Variants in SLC35B3 observed in about 807,000 individuals in gnomAD.
SLC35B3 encodes adenosine 3'-phospho 5'-phosphosulfate transporter 2.
A neutral mutation model predicts 44.1 loss-of-function variants in SLC35B3; 35 were observed. That is an observed-to-expected ratio of 0.79 (90% CI 0.61 to 1.05). SLC35B3 has a LOEUF of 1.05. Ranked by LOEUF, SLC35B3 falls within the 50% of genes least tolerant of loss-of-function variation. The pLI is 0.00. For missense variants in SLC35B3, 414 were observed against 476.4 expected (o/e 0.87, Z 1.22); for synonymous variants, 146 against 167.3 (o/e 0.87, Z 0.98).
intron 9 of SLC35B3, among the ~76,000 whole-genome samples, chr6:8,416,405 C>G (rs1432004981): frequency 6.6e-6 from 1 of 152,084 alleles, no homozygotes; most frequent in African/African-American, 2.4e-5. Context: ...AAGCAAAGAC[C>G]CTGCACACAG....
chr6:8,420,089 C>T lies in SLC35B3; in HGVS notation c.683-412G>A, dbSNP rs1457265406. 6.6e-6 allele frequency among the ~76,000 whole-genome samples: 1 copy of T among 151,074 alleles called. No homozygotes were observed. The highest frequency in any genetic ancestry group is 1.5e-5 in the Non-Finnish European group (1 of 67,788). ...AGAGAAAAGTCATTTTTGAAAAACC[C>T]TATTATTACTAAAATGTTTAATTTA... On this transcript the variant is annotated intron_variant, in intron 6 of 10. Coordinates refer to ENST00000644923, the MANE Select transcript of SLC35B3 (RefSeq NM_001370476.2). The surrounding 1 kb of genome is among the most constrained non-coding windows in gnomAD (Gnocchi z 4.4).
Position 8,435,228 on chromosome 6 carries a change from CT to C in SLC35B3, c.-44+114del, listed in dbSNP as rs1378033429. ...AATCACCCGTTTCTTCCATCCCGAC[CT>C]CATCCATTCCTCGAACGCTCCTTCT... On this transcript the variant is annotated intron_variant, in intron 1 of 10. Coordinates refer to ENST00000644923, the MANE Select transcript of SLC35B3 (RefSeq NM_001370476.2). This position sits in a 1 kb window ranked among gnomAD's most constrained non-coding sequence, Gnocchi z 5.5. 7.8e-7 allele frequency: 1 copy of C among 1,289,328 alleles called. No homozygotes were observed. The highest frequency in any genetic ancestry group is 2.3e-5 in the Admixed American group (1 of 43,572). The allele number at this position is 1,289,328 out of a possible 1,614,324, so 79.9% of individuals were successfully genotyped here. A position where few individuals can be genotyped will look rare whatever the true frequency, so the allele number is the denominator to read the frequency against.
chr6:8,417,486 A>G lies in SLC35B3; in HGVS notation c.789T>C (p.Tyr263=), dbSNP rs370699598. The G allele has an allele frequency of 1.9e-6, 3 of 1,581,916 alleles. No individual in the cohort carries two copies. Among genetic ancestry groups the G allele is most frequent in the Non-Finnish European group, 2.6e-6 (3 of 1,160,014 alleles). Residue 263 remains tyrosine (Y), a synonymous_variant, in exon 8 of 11, where the codon TAT becomes TAC. Coordinates refer to ENST00000644923, the MANE Select transcript of SLC35B3 (RefSeq NM_001370476.2). ...TGTATACAAAACCAATTGAATACGA[A>G]TACAATACCTAGAGCAGATAAAAAT...
rs1222693427 is a variant in SLC35B3 at position 8,435,324 on chromosome 6, G to T, written c.-44+19C>A. 1 of 1,289,166 alleles carries T rather than the reference G, an allele frequency of 7.8e-7. No homozygotes were observed. The highest frequency in any genetic ancestry group is 1.5e-5 in the African/African-American group (1 of 65,860). The allele number at this position is 1,289,166 out of a possible 1,614,324, so 79.9% of individuals were successfully genotyped here. On this transcript the variant is annotated intron_variant, in intron 1 of 10. Coordinates refer to ENST00000644923, the MANE Select transcript of SLC35B3 (RefSeq NM_001370476.2). This position sits in a 1 kb window ranked among gnomAD's most constrained non-coding sequence, Gnocchi z 5.5. ...GATCTGGGTCCCAAACACAGGAAAG[G>T]CCCCGAAGGCACGCGTACCCCAAGG...
intron 4 of SLC35B3, among the ~76,000 whole-genome samples, chr6:8,426,346 G>C (rs1221796137): frequency 1.3e-5 from 2 of 152,014 alleles, no homozygotes; most frequent in Non-Finnish European, 2.9e-5. Flanking sequence ...TTTTTGATAT[G>C]GTTTGGCGCT....
In SLC35B3 at chr6:8,422,436, T is replaced by C. The variant is rs199981680; in HGVS notation, c.574+34A>G. The C allele has an allele frequency of 4.6e-6, 7 of 1,523,912 alleles. No individual in the cohort carries two copies. In the Admixed American group the frequency reaches 1.1e-4, roughly 23 times the overall value. The allele number at this position is 1,523,912 out of a possible 1,614,324, so 94.4% of individuals were successfully genotyped here. ...TAGATGCCATAACATAGCCTATTAGTTTTAAATAGTATAAAAACATATCAT... is the reference window on the plus strand; with the variant it reads ...TAGATGCCATAACATAGCCTATTAGCTTTAAATAGTATAAAAACATATCAT... On this transcript the variant is annotated intron_variant, in intron 5 of 10. Transcript: ENST00000644923.
At chr6:8,430,731 T>C (rs1561765161) in intron 2 of SLC35B3, among the ~76,000 whole-genome samples, 1 of 151,230 alleles carries the variant, frequency 6.6e-6, no homozygotes, top group Non-Finnish European at 1.5e-5. Context: ...TAAAATAAAA[T>C]AAAATAAAAT....
At chr6:8,422,669 A>C (rs2113388998) in intron 4 of SLC35B3, 45 bp from the exon 4 acceptor site, 1 of 1,459,348 alleles carries the variant, frequency 6.9e-7, no homozygotes, top group Non-Finnish European at 9.5e-7. Context: ...GACCCAATTC[A>C]TACTACTAAA....
rs1764267839 is a variant in SLC35B3, at chr6:8,434,266, G to A, written c.3+119C>T. ...GAGTTTTCCGACCTGAAGGACAAAA[G>A]TCCCACACCAAAAAAAGGTAGAATA... On this transcript the variant is annotated intron_variant, in intron 2 of 10. Coordinates refer to ENST00000644923, the MANE Select transcript of SLC35B3 (RefSeq NM_001370476.2). The surrounding 1 kb of genome is among the most constrained non-coding windows in gnomAD (Gnocchi z 6.3). 1.1e-6 allele frequency: 1 copy of A among 916,646 alleles called. No individual in the cohort carries two copies. Among genetic ancestry groups the A allele is most frequent in the East Asian group, 2.5e-5 (1 of 40,332 alleles). 56.8% of individuals were successfully genotyped at this position (916,646 alleles called of 1,614,324 possible). A position where few individuals can be genotyped will look rare whatever the true frequency, so the allele number is the denominator to read the frequency against.
At chr6:8,421,938 A>C (rs1286588856) in intron 5 of SLC35B3, among the ~76,000 whole-genome samples, 5 of 152,202 alleles carry the variant, frequency 3.3e-5, no homozygotes, top group Admixed American at 6.5e-5. Flanking sequence ...ACAAAGTATT[A>C]TCTTTTCTTT....
At position 8,435,528 on chromosome 6, in the gene SLC35B3, G is replaced by T. The variant is rs1256269819; in HGVS notation, c.-229C>A. The stretch of plus-strand genomic sequence containing the variant: ...AGCACTCTCAACTCCGGCGCCCGCA[G>T]GCCACTTCCGCCTATGTGTCCCTGC... On this transcript the variant is annotated 5_prime_UTR_variant, in exon 1 of 11. In the 5' UTR this introduces an upstream ATG that the reference lacks. Coordinates refer to ENST00000644923, the MANE Select transcript of SLC35B3 (RefSeq NM_001370476.2). The surrounding 1 kb of genome is among the most constrained non-coding windows in gnomAD (Gnocchi z 5.5). 7 of 492,196 alleles carry T rather than the reference G, an allele frequency of 1.4e-5. No individual in the cohort carries two copies. Among genetic ancestry groups the T allele is most frequent in the Non-Finnish European group, 2.4e-5 (7 of 295,312 alleles). The allele number at this position is 492,196 out of a possible 1,614,324, so 30.5% of individuals were successfully genotyped here.
chr6:8,435,437 A>G lies in SLC35B3; in HGVS notation c.-138T>C. 8.0e-7 allele frequency: 1 copy of G among 1,256,158 alleles called. No individual in the cohort carries two copies. Among genetic ancestry groups the G allele is most frequent in the Non-Finnish European group, 1.0e-6 (1 of 961,198 alleles). The allele number at this position is 1,256,158 out of a possible 1,614,324, so 77.8% of individuals were successfully genotyped here. On this transcript the variant is annotated 5_prime_UTR_variant, in exon 1 of 11. Coordinates refer to ENST00000644923, the MANE Select transcript of SLC35B3 (RefSeq NM_001370476.2). The surrounding 1 kb of genome is among the most constrained non-coding windows in gnomAD (Gnocchi z 5.5). ...CCCCCTCCCCTGGTCCGTCGCCATC[A>G]CCTCCTCTTCCTCCTCCTCCTCGCC... is the stretch of plus-strand genomic sequence containing the variant.
At position 8,430,193 on chromosome 6, in the gene SLC35B3, G is replaced by C. The variant is rs575624000; in HGVS notation, c.4-36C>G. On this transcript the variant is annotated intron_variant, in intron 2 of 10. Transcript: ENST00000644923. Reference sequence around the variant, plus strand: ...AAATAAGCAATTAAAACATTTACATGATAAAGTTTAATCCTCCAAATAATA... The same window carrying C: ...AAATAAGCAATTAAAACATTTACATCATAAAGTTTAATCCTCCAAATAATA... 10 of 1,486,740 alleles carry C rather than the reference G, an allele frequency of 6.7e-6. No homozygotes were observed. The South Asian group carries it at 1.4e-4, about 21-fold the overall frequency. 92.1% of individuals were successfully genotyped at this position (1,486,740 alleles called of 1,614,324 possible). A position where few individuals can be genotyped will look rare whatever the true frequency, so the allele number is the denominator to read the frequency against.
chr6:8,420,764 A>G lies in SLC35B3; in HGVS notation c.639T>C (p.Phe213=), dbSNP rs1457246280. The change falls in exon 6 of 11, where the codon TTT becomes TTC. Residue 213 remains phenylalanine (F), a synonymous_variant. Coordinates refer to ENST00000644923, the MANE Select transcript of SLC35B3 (RefSeq NM_001370476.2). The surrounding 1 kb of genome is among the most constrained non-coding windows in gnomAD (Gnocchi z 4.4). ...GTGCAGTTGTGCTGTCAGCGAGGGT[A>G]AACCATATCAGGCCAAGGCTCATAC... 2 of 1,613,654 alleles carry G rather than the reference A, an allele frequency of 1.2e-6. No individual in the cohort carries two copies. Among genetic ancestry groups the G allele is most frequent in the East Asian group, 2.2e-5 (1 of 44,874 alleles).
chr6:8,418,087 G>A (rs1373399472), intron 7 of SLC35B3, among the ~76,000 whole-genome samples: 1 of 151,984 alleles, frequency 6.6e-6, no homozygotes, highest in Non-Finnish European at 1.5e-5. Flanking sequence ...CTAGATATGG[G>A]TATTCTTAGT....
intron 9 of SLC35B3, 78 bp downstream of exon 8, chr6:8,416,806 G>A: frequency 1.7e-6 from 1 of 605,306 alleles, no homozygotes; most frequent in Non-Finnish European, 2.8e-6. Flanking sequence ...AGGAGATGTT[G>A]CCCTTATGTT....
At position 8,422,551 on chromosome 6, in the gene SLC35B3, C is replaced by T; in HGVS notation, c.493G>A (p.Gly165Ser). Residue 165 changes from glycine to serine, a missense_variant, in exon 5 of 11, where the codon GGC becomes AGC. Coordinates refer to ENST00000644923, the MANE Select transcript of SLC35B3 (RefSeq NM_001370476.2). Reference sequence around the variant, plus strand: ...ACTTGGGTAGGGTAATTCAGGTAGCCCAAGGAAGTGTTTGATAACCCCATA... The same window carrying T: ...ACTTGGGTAGGGTAATTCAGGTAGCTCAAGGAAGTGTTTGATAACCCCATA... 4.3e-6 allele frequency: 7 copies of T among 1,613,136 alleles called. No homozygotes were observed. The highest frequency in any genetic ancestry group is 5.9e-6 in the Non-Finnish European group (7 of 1,179,332).
At chr6:8,431,899 C>A (rs1442266786) in intron 2 of SLC35B3, among the ~76,000 whole-genome samples, 1 of 152,164 alleles carries the variant, frequency 6.6e-6, no homozygotes, top group Non-Finnish European at 1.5e-5. Context: ...CCTAAACCAC[C>A]CATGTTTCAT....
intron 4 of SLC35B3, among the ~76,000 whole-genome samples, chr6:8,423,352 T>C (rs1255877178): frequency 1.3e-5 from 2 of 152,202 alleles, no homozygotes; most frequent in Non-Finnish European, 1.5e-5. Context: ...TATTATAATA[T>C]CTTATAGATC....
Sources: allele counts gnomAD v4.1 joint callset (sites outside exome capture counted in the v4.1 genomes callset), GRCh38; gene constraint gnomAD v4.1.1; non-coding constraint Gnocchi (gnomAD v3.1); transcripts MANE v1.5; gene names NCBI Gene and HGNC (gene_info 2026-07-23, HGNC 2026-07-21).